RMDN2: variants seen among roughly 807,000 people sequenced by gnomAD.
RMDN2 encodes the protein regulator of microtubule dynamics protein 2.
A neutral mutation model predicts 52.8 loss-of-function variants in RMDN2; 61 were observed. The observed-to-expected ratio is 1.16, with a 90% CI of 0.94 to 1.43. RMDN2 has a LOEUF of 1.43. Ranked by LOEUF, RMDN2 falls within the 40% of genes most tolerant of loss-of-function variation. The pLI is 0.00. For missense variants in RMDN2, 592 were observed against 475.3 expected (o/e 1.25, Z -2.28); for synonymous variants, 180 against 153.1 (o/e 1.18, Z -1.30).
At chr2:37,953,754 T>A (rs553477319) in intron 2 of RMDN2, among the ~76,000 whole-genome samples, 1 of 152,202 alleles carries the variant, frequency 6.6e-6, no homozygotes, top group South Asian at 2.1e-4. Flanking sequence ...TTTTAATTTT[T>A]TGAGGAACTA....
intron 10 of RMDN2, among the ~76,000 whole-genome samples, chr2:38,013,792 T>A (rs1377402800): frequency 6.6e-6 from 1 of 152,240 alleles, no homozygotes; most frequent in Non-Finnish European, 1.5e-5. Context: ...AATCCTGTAA[T>A]GTTGTCTCAT....
At chr2:37,923,608 T>C (rs76456050), upstream of RMDN2, among the ~76,000 whole-genome samples, 647 of 152,340 alleles carry the variant, frequency 4.2e-3, 8 homozygotes, top group East Asian at 0.061. Flanking sequence ...TGTATTCTAG[T>C]TAAATAAAGC....
chr2:37,980,435 C>A (rs1370718732), intron 4 of RMDN2, among the ~76,000 whole-genome samples: 1 of 152,120 alleles, frequency 6.6e-6, no homozygotes, highest in East Asian at 1.9e-4. Context: ...TCCTGAGTAG[C>A]TGGGATTACA....
intron 2 of RMDN2, among the ~76,000 whole-genome samples, chr2:37,940,625 C>T (rs576423006): frequency 1.8e-4 from 27 of 152,018 alleles, no homozygotes; most frequent in Non-Finnish European, 3.1e-4. Flanking sequence ...CGCTTTATTT[C>T]GTTAAGTTGA....
At chr2:37,925,108 G>A (rs1329134457), upstream of RMDN2, among the ~76,000 whole-genome samples, 1 of 152,218 alleles carries the variant, frequency 6.6e-6, no homozygotes, top group Non-Finnish European at 1.5e-5. Flanking sequence ...CGGCTTCGAA[G>A]GGAGGCGACG....
At chr2:38,056,628 C>G (rs1167949809) in intron 10 of RMDN2, among the ~76,000 whole-genome samples, 1 of 152,096 alleles carries the variant, frequency 6.6e-6, no homozygotes, top group Admixed American at 6.6e-5. Flanking sequence ...TAATAATTCT[C>G]CCAAACTTAT....
At chr2:38,066,909 T>G in intron 10 of RMDN2, 3 of 1,461,116 alleles carry the variant, frequency 2.1e-6, no homozygotes, top group Non-Finnish European at 2.9e-6. Context: ...GCTGCTAAAG[T>G]GAGGTTCCCA....
chr2:38,014,153 G>A (rs934718046), intron 10 of RMDN2, among the ~76,000 whole-genome samples: 4 of 152,066 alleles, frequency 2.6e-5, no homozygotes, highest in African/African-American at 7.2e-5. Context: ...CAGAGGTTGT[G>A]GTGAGCTGAG....
At chr2:38,018,160 G>A (rs915089924), downstream of RMDN2, among the ~76,000 whole-genome samples, 1 of 152,154 alleles carries the variant, frequency 6.6e-6, no homozygotes, top group Non-Finnish European at 1.5e-5. Context: ...AGGTCACAGG[G>A]AATACGATGG....
chr2:38,030,938 C>A (rs1573181058), intron 10 of RMDN2: 1 of 151,490 alleles, frequency 6.6e-6, no homozygotes, highest in East Asian at 1.9e-4. Context: ...TTTCATTTTT[C>A]TAAAAAGTGC....
intron 3 of RMDN2, among the ~76,000 whole-genome samples, chr2:37,974,484 A>ATT (rs527529161): frequency 5.5e-5 from 8 of 146,360 alleles, no homozygotes; most frequent in African/African-American, 1.7e-4. Context: ...CTTTTATTTG[A>ATT]TTTTTTTTTT....
chr2:37,998,755 G>A (rs1011106224), intron 8 of RMDN2, among the ~76,000 whole-genome samples: 8 of 152,160 alleles, frequency 5.3e-5, no homozygotes, highest in African/African-American at 1.9e-4. Context: ...GAAACGGGCT[G>A]TACATTTCTT....
chr2:37,959,641 C>G (rs1669940681), intron 2 of RMDN2, among the ~76,000 whole-genome samples: 4 of 150,904 alleles, frequency 2.7e-5, no homozygotes, highest in Admixed American at 2.0e-4. Flanking sequence ...TTTCGTGTCT[C>G]TATCCCCTTC....
chr2:37,932,884 C>T (rs1471579783), intron 2 of RMDN2, among the ~76,000 whole-genome samples: 1 of 147,910 alleles, frequency 6.8e-6, no homozygotes. Context: ...CCACCTCCCT[C>T]CCGGACGGGG....
chr2:37,934,029 C>T (rs187951704), intron 2 of RMDN2, among the ~76,000 whole-genome samples: 39 of 152,232 alleles, frequency 2.6e-4, no homozygotes, highest in Non-Finnish European at 4.9e-4. Flanking sequence ...GGGATGTGCT[C>T]TTCATACACA....
intron 10 of RMDN2, among the ~76,000 whole-genome samples, chr2:38,039,047 TACACACACACACAC>T (rs71414270): frequency 0.26 from 32,960 of 127,306 alleles, 5,028 homozygotes; most frequent in East Asian, 0.68. Flanking sequence ...CCAGATGCTA[TACACACACACACAC>T]ACACACACAC....
intron 3 of RMDN2, chr2:37,974,643 A>AAAAT (rs1219535870): frequency 2.7e-5 from 4 of 145,778 alleles, no homozygotes; most frequent in East Asian, 1.9e-4. Context: ...CACCACTAAA[A>AAAAT]AAAATAAAAT....
intron 4 of RMDN2, among the ~76,000 whole-genome samples, chr2:37,979,472 A>T (rs1673015915): frequency 6.6e-6 from 1 of 152,224 alleles, no homozygotes; most frequent in Non-Finnish European, 1.5e-5. Context: ...ATTTCTTCTC[A>T]TAATAGCATG....
At chr2:38,061,687 CTTA>C (rs1335907563) in intron 10 of RMDN2, among the ~76,000 whole-genome samples, 4 of 125,792 alleles carry the variant, frequency 3.2e-5, no homozygotes, top group Admixed American at 1.6e-4. Context: ...TAACTGAAAT[CTTA>C]TTTTCTCTCC....
Sources: gnomAD v4.1 joint callset for allele counts (sites outside exome capture counted in the v4.1 genomes callset) on GRCh38, gnomAD v4.1.1 for gene constraint, MANE v1.5 for transcripts, NCBI Gene and HGNC (gene_info 2026-07-23, HGNC 2026-07-21) for gene names.